The following PACS1 variants were observed in gnomAD, a reference collection of about 807,000 sequenced individuals.
The protein encoded by PACS1 is PACS-1.
Under a neutral mutation model 115.0 loss-of-function variants are expected in PACS1, and 24 were observed. The ratio of observed to expected loss-of-function variants is 0.21; its 90% confidence interval spans 0.15 to 0.29. PACS1 has a LOEUF of 0.29. Ranked by LOEUF, PACS1 falls within the 10% of genes least tolerant of loss-of-function variation. The pLI is 1.00. For missense variants in PACS1, 838 were observed against 1,251.2 expected (o/e 0.67, Z 4.98); for synonymous variants, 453 against 504.5 (o/e 0.90, Z 1.37).
At chr11:66,205,396 CTA>C (rs1292861536) in intron 2 of PACS1, among the ~76,000 whole-genome samples, 4 of 151,792 alleles carry the variant, frequency 2.6e-5, no homozygotes, top group Non-Finnish European at 4.4e-5. Flanking sequence ...TTAAAAATAA[CTA>C]AAAGTATAAT....
chr11:66,118,471 A>G (rs1858358809), intron 1 of PACS1, among the ~76,000 whole-genome samples: 1 of 151,994 alleles, frequency 6.6e-6, no homozygotes, highest in Non-Finnish European at 1.5e-5. Flanking sequence ...TATCAGCCAG[A>G]TGTGGTTGTG....
intron 1 of PACS1, among the ~76,000 whole-genome samples, chr11:66,133,501 G>C (rs1340643857): frequency 1.3e-5 from 2 of 152,194 alleles, no homozygotes; most frequent in Admixed American, 1.3e-4. Context: ...ACCTGATGTA[G>C]ATCCAGAGAT....
intron 1 of PACS1, among the ~76,000 whole-genome samples, chr11:66,117,636 C>T (rs1178094414): frequency 1.3e-5 from 2 of 151,972 alleles, no homozygotes; most frequent in Non-Finnish European, 2.9e-5. Context: ...CACCTGAGGT[C>T]GGGAGTTCGC....
intron 11 of PACS1, among the ~76,000 whole-genome samples, chr11:66,229,995 T>C (rs1855551947): frequency 6.6e-6 from 1 of 150,776 alleles, no homozygotes; most frequent in South Asian, 2.1e-4. Flanking sequence ...GGCAAAGGCC[T>C]GGGCTCAGAA....
chr11:66,242,843 C>G, intron 22 of PACS1, 69 bp from the exon 23 acceptor site: 1 of 1,602,026 alleles, frequency 6.2e-7, no homozygotes, highest in Non-Finnish European at 8.5e-7. Flanking sequence ...AGGGGACAGT[C>G]GGCTGGGGAG....
Position 66,230,797 on chromosome 11 carries a change from C to T in PACS1, c.1491-8C>T. On this transcript the variant is annotated splice_region_variant and splice_polypyrimidine_tract_variant and intron_variant, in intron 12 of 23. Coordinates refer to ENST00000320580, the MANE Select transcript of PACS1 (RefSeq NM_018026.4). Reference sequence around the variant, plus strand: ...TATTTCACCAGCCTTTTTCCACCTCCCTGGCAGCAAAGTGGAGGGGGTGCA... The same window carrying T: ...TATTTCACCAGCCTTTTTCCACCTCTCTGGCAGCAAAGTGGAGGGGGTGCA... 6.2e-7 allele frequency: 1 copy of T among 1,614,114 alleles called. No homozygotes were observed. The highest frequency in any genetic ancestry group is 8.5e-7 in the Non-Finnish European group (1 of 1,179,958).
At chr11:66,124,874 A>C (rs908117634) in intron 1 of PACS1, among the ~76,000 whole-genome samples, 1 of 152,220 alleles carries the variant, frequency 6.6e-6, no homozygotes, top group Non-Finnish European at 1.5e-5. Flanking sequence ...TCAAGGAGCC[A>C]AGTTCATTTT....
At chr11:66,231,705 C>G in intron 13 of PACS1, 1 of 173,596 alleles carries the variant, frequency 5.8e-6, no homozygotes, top group South Asian at 1.3e-4. Flanking sequence ...AATCACTGTT[C>G]CTGAAATACC....
Position 66,238,857 on chromosome 11 carries a change from G to A in PACS1, c.2293+11G>A. 1.9e-6 allele frequency: 3 copies of A among 1,572,634 alleles called. No individual in the cohort carries two copies. The highest frequency in any genetic ancestry group is 2.6e-6 in the Non-Finnish European group (3 of 1,156,950). ...CTCCCTCCACAGCAGGTGAGGCTGGGGCTCCCTTGTTCTGTGGAGTGAGGC... is the reference window on the plus strand; with the variant it reads ...CTCCCTCCACAGCAGGTGAGGCTGGAGCTCCCTTGTTCTGTGGAGTGAGGC... On this transcript the variant is annotated intron_variant, in intron 20 of 23. Coordinates refer to ENST00000320580, the MANE Select transcript of PACS1 (RefSeq NM_018026.4).
rs114925775 is a variant in PACS1, at chr11:66,089,364, G to A, written c.356+18522G>A. On this transcript the variant is annotated intron_variant, in intron 1 of 23. Coordinates refer to ENST00000320580, the MANE Select transcript of PACS1 (RefSeq NM_018026.4). ...AGCATGCTTGAATGTCCCCAAGTGCGTGTGATTTTTTTGCAGGAAGAGACC... is the reference window on the plus strand; with the variant it reads ...AGCATGCTTGAATGTCCCCAAGTGCATGTGATTTTTTTGCAGGAAGAGACC... Among the ~76,000 whole-genome samples the A allele has an allele frequency of 4.0e-3, 607 of 152,272 alleles. 4 individuals are homozygous for A. Among genetic ancestry groups the A allele is most frequent in the African/African-American group, 0.014 (577 of 41,550 alleles).
intron 2 of PACS1, among the ~76,000 whole-genome samples, chr11:66,196,986 T>C (rs938841622): frequency 2.6e-5 from 4 of 152,214 alleles, no homozygotes; most frequent in Admixed American, 2.6e-4. Flanking sequence ...CTTAAAGACT[T>C]TTCTGAAGAA....
At chr11:66,121,621 C>T (rs1480100674) in intron 1 of PACS1, among the ~76,000 whole-genome samples, 5 of 152,118 alleles carry the variant, frequency 3.3e-5, no homozygotes, top group Admixed American at 6.6e-5. Context: ...CAGTGAACTC[C>T]GGAATGCTAA....
Position 66,070,306 on chromosome 11 carries a change from G to C in PACS1, c.-181G>C. On this transcript the variant is annotated 5_prime_UTR_variant, in exon 1 of 24. Coordinates refer to ENST00000320580, the MANE Select transcript of PACS1 (RefSeq NM_018026.4). The surrounding 1 kb of genome is among the most constrained non-coding windows in gnomAD (Gnocchi z 5.9). ...GGCCTCGCGAGCCGCAACAGGCAGC[G>C]GCGGTCGAGCGCGAGGCCCGCGCGC... 5.3e-6 allele frequency: 1 copy of C among 188,128 alleles called. No individual in the cohort carries two copies. Among genetic ancestry groups the C allele is most frequent in the Non-Finnish European group, 1.0e-5 (1 of 95,350 alleles). The allele number at this position is 188,128 out of a possible 1,614,324, so 11.7% of individuals were successfully genotyped here.
rs201877943 is a variant in PACS1 at position 66,193,559 on chromosome 11, G to T, written c.430G>T (p.Ala144Ser). ...MDKDLNSVVI[A>S]VKLQGSKRIL... ...CAAAGATCTTAACTCAGTGGTCATC[G>T]CTGTGAAGCTGCAGGTGAGTGGGGC... Residue 144 changes from alanine to serine, a missense_variant, in exon 2 of 24, where the codon GCT becomes TCT. Physicochemically the swap from Ala to Ser is moderately conservative, Grantham distance 99. This residue lies in a region of PACS1 where 223 missense variants were observed against 354.0 expected (regional missense o/e 0.63). Coordinates refer to ENST00000320580, the MANE Select transcript of PACS1 (RefSeq NM_018026.4). 1.2e-6 allele frequency: 2 copies of T among 1,612,732 alleles called. No individual in the cohort carries two copies. The highest frequency in any genetic ancestry group is 4.5e-5 in the East Asian group (2 of 44,888).
chr11:66,162,817 G>A (rs987229732), intron 1 of PACS1, among the ~76,000 whole-genome samples: 1 of 152,204 alleles, frequency 6.6e-6, no homozygotes, highest in Non-Finnish European at 1.5e-5. Context: ...GTGAAACCAA[G>A]TAAGCAATGT....
At chr11:66,138,038 G>A (rs1858888631) in intron 1 of PACS1, among the ~76,000 whole-genome samples, 2 of 152,008 alleles carry the variant, frequency 1.3e-5, no homozygotes, top group Non-Finnish European at 2.9e-5. Flanking sequence ...AGCATAAAAT[G>A]CAAATTCTGA....
chr11:66,127,913 T>C (rs1858616822), intron 1 of PACS1, among the ~76,000 whole-genome samples: 1 of 152,212 alleles, frequency 6.6e-6, no homozygotes, highest in African/African-American at 2.4e-5. Flanking sequence ...GCTGCTAAAG[T>C]AGACCCCGAG....
intron 1 of PACS1, among the ~76,000 whole-genome samples, chr11:66,151,123 A>G (rs1859226077): frequency 6.6e-6 from 1 of 152,050 alleles, no homozygotes; most frequent in Non-Finnish European, 1.5e-5. Flanking sequence ...TAAACTCTAA[A>G]TGTATAGTGA....
At chr11:66,081,962 C>G (rs1027962772) in intron 1 of PACS1, among the ~76,000 whole-genome samples, 2 of 152,150 alleles carry the variant, frequency 1.3e-5, no homozygotes, top group Admixed American at 6.5e-5. Context: ...CATTTGTGGT[C>G]TCTCCTGAAA....
Sources: allele counts gnomAD v4.1 joint callset (sites outside exome capture counted in the v4.1 genomes callset), GRCh38; gene constraint gnomAD v4.1.1; regional missense constraint gnomAD v4.1.1; non-coding constraint Gnocchi (gnomAD v3.1); transcripts MANE v1.5; gene names NCBI Gene and HGNC (gene_info 2026-07-23, HGNC 2026-07-21).